Variants in ANKRD11 observed in about 807,000 individuals in gnomAD.
ANKRD11 encodes the protein ankyrin repeat domain-containing protein 11.
ANKRD11 carries 17 observed loss-of-function variants against 195.7 expected under a neutral mutation model. That is an observed-to-expected ratio of 0.09 (90% CI 0.06 to 0.13). The LOEUF is 0.13. ANKRD11 is among the 10% of genes least tolerant of loss of function. The probability of loss-of-function intolerance (pLI) is 1.00; values close to 1 mark genes in which losing one functional copy is unlikely to be tolerated. For missense variants in ANKRD11, 3,735 were observed against 3,566.1 expected (o/e 1.05, Z -1.21); for synonymous variants, 1,953 against 1,528.1 (o/e 1.28, Z -6.49).
chr16:89,442,374 T>A (rs960508830), intron 1 of ANKRD11, among the ~76,000 whole-genome samples: 1 of 152,194 alleles, frequency 6.6e-6, no homozygotes, highest in African/African-American at 2.4e-5. Context: ...AGAAAATGCT[T>A]TTGAATCTGT....
rs934242640 is a variant in ANKRD11 at position 89,403,054 on chromosome 16, C to T, written c.-60+15230G>A. On this transcript the variant is annotated intron_variant, in intron 2 of 12. Transcript: ENST00000301030. Reference sequence around the variant, plus strand: ...ACATGGGCACTGCCTCGCTCAACTGCGTGGTGGCGGGTGGCCTGGAACGCT... The same window carrying T: ...ACATGGGCACTGCCTCGCTCAACTGTGTGGTGGCGGGTGGCCTGGAACGCT... Among the ~76,000 whole-genome samples the T allele has an allele frequency of 3.3e-5, 5 of 152,188 alleles. No individual in the cohort carries two copies. The East Asian group carries it at 5.8e-4, about 18-fold the overall frequency.
At chr16:89,377,960 G>A (rs973617314) in intron 2 of ANKRD11, among the ~76,000 whole-genome samples, 1 of 151,804 alleles carries the variant, frequency 6.6e-6, no homozygotes, top group African/African-American at 2.4e-5. Context: ...CACTTAATGA[G>A]AAGTAAACAT....
rs935724518 is a variant in ANKRD11 at position 89,453,850 on chromosome 16, C to G, written c.-144-35482G>C. ...TGAATTCGAGGCAGGACTCTGGAGC[C>G]AGCCTGCCCAGGGTCCAGTGCTGGC... On this transcript the variant is annotated intron_variant, in intron 1 of 12. Coordinates refer to ENST00000301030, the MANE Select transcript of ANKRD11 (RefSeq NM_013275.6). Among the ~76,000 whole-genome samples, 47 of 152,236 alleles carry G rather than the reference C, an allele frequency of 3.1e-4. 1 individual carries two copies. The highest frequency in any genetic ancestry group is 2.8e-3 in the Admixed American group (43 of 15,288).
intron 2 of ANKRD11, among the ~76,000 whole-genome samples, chr16:89,389,822 T>C (rs1326993788): frequency 2.6e-5 from 3 of 117,348 alleles, no homozygotes; most frequent in East Asian, 4.8e-4. Context: ...AGAAGATCAC[T>C]AGGGCAAACA....
chr16:89,305,712 C>T (rs1404380030), intron 3 of ANKRD11, among the ~76,000 whole-genome samples: 2 of 128,294 alleles, frequency 1.6e-5, no homozygotes, highest in Admixed American at 7.4e-5. Flanking sequence ...CGCAGACACG[C>T]GCCACCTCCC....
intron 2 of ANKRD11, among the ~76,000 whole-genome samples, chr16:89,408,367 C>A (rs1429635128): frequency 6.6e-6 from 1 of 152,222 alleles, no homozygotes; most frequent in Non-Finnish European, 1.5e-5. Flanking sequence ...AGGTTTGATG[C>A]ACAGAAAGGC....
At chr16:89,425,729 T>C (rs905461512) in intron 1 of ANKRD11, among the ~76,000 whole-genome samples, 9 of 152,298 alleles carry the variant, frequency 5.9e-5, no homozygotes, top group African/African-American at 2.2e-4. Flanking sequence ...GGTGGGGTGC[T>C]ATTCATTTCG....
chr16:89,274,979 G>C (rs1191308196), intron 10 of ANKRD11, 22 bp from the exon 11 acceptor site: 1 of 1,612,780 alleles, frequency 6.2e-7, no homozygotes, highest in Non-Finnish European at 8.5e-7. Context: ...GAGGAGTAGA[G>C]TGAGCTGGGA....
intron 1 of ANKRD11, among the ~76,000 whole-genome samples, chr16:89,441,542 C>A (rs186181528): frequency 6.6e-6 from 1 of 151,902 alleles, no homozygotes; most frequent in Non-Finnish European, 1.5e-5. Context: ...CCAAGGCGGG[C>A]GGATCACGAG....
intron 2 of ANKRD11, among the ~76,000 whole-genome samples, chr16:89,387,476 T>C (rs1236676283): frequency 1.3e-5 from 2 of 149,956 alleles, no homozygotes; most frequent in African/African-American, 4.9e-5. Context: ...ACCGAGACCA[T>C]CCCGGCTAAC....
chr16:89,444,506 C>A (rs536692944), intron 1 of ANKRD11, among the ~76,000 whole-genome samples: 1 of 152,202 alleles, frequency 6.6e-6, no homozygotes, highest in Non-Finnish European at 1.5e-5. Flanking sequence ...TTGCCATCAG[C>A]GTTACCCTGG....
rs150128565 is a variant in ANKRD11, at chr16:89,270,929, G to A, written c.7714-20C>T. On this transcript the variant is annotated intron_variant, in intron 11 of 12. Transcript: ENST00000301030. Reference sequence around the variant, plus strand: ...GTCACCCTGTGGAAACCAAACACGGGAGTTTCATCAGGAGCCCCAGAGACC... The same window carrying A: ...GTCACCCTGTGGAAACCAAACACGGAAGTTTCATCAGGAGCCCCAGAGACC... 3.1e-6 allele frequency: 5 copies of A among 1,613,296 alleles called. No individual in the cohort carries two copies. In the East Asian group the frequency reaches 1.1e-4, roughly 36 times the overall value.
At chr16:89,370,708 C>G (rs946282627) in intron 2 of ANKRD11, 2 of 152,378 alleles carry the variant, frequency 1.3e-5, no homozygotes, top group African/African-American at 4.8e-5. Context: ...GACCCGAGAG[C>G]AGAAGGGAGC....
chr16:89,417,472 G>A (rs913411610), intron 2 of ANKRD11, among the ~76,000 whole-genome samples: 2 of 152,184 alleles, frequency 1.3e-5, no homozygotes, highest in Admixed American at 1.3e-4. Flanking sequence ...AGCGACACGT[G>A]CTTGCTCAGA....
At chr16:89,469,292 G>A (rs1256313936) in intron 1 of ANKRD11, among the ~76,000 whole-genome samples, 2 of 152,086 alleles carry the variant, frequency 1.3e-5, no homozygotes, top group Admixed American at 6.5e-5. Context: ...CGCAATCTTG[G>A]CTCACTGCAA....
intron 1 of ANKRD11, among the ~76,000 whole-genome samples, chr16:89,435,847 G>C (rs1479915734): frequency 3.4e-5 from 5 of 146,116 alleles, no homozygotes; most frequent in Middle Eastern, 3.6e-3. Context: ...CTTTCGGTCT[G>C]TTCGCTCAAG....
chr16:89,384,874 G>GTTTT lies in ANKRD11; in HGVS notation c.-60+33406_-60+33409dup, dbSNP rs1257714722. Among the ~76,000 whole-genome samples the GTTTT allele has an allele frequency of 1.6e-3, 117 of 72,744 alleles. 5 individuals are homozygous for GTTTT. Among genetic ancestry groups the GTTTT allele is most frequent in the African/African-American group, 6.2e-3 (110 of 17,766 alleles). 47.7% of individuals were successfully genotyped at this position (72,744 alleles called of 152,430 possible). A position where few individuals can be genotyped will look rare whatever the true frequency, so the allele number is the denominator to read the frequency against. On this transcript the variant is annotated intron_variant, in intron 2 of 12. Transcript: ENST00000301030. Reference sequence around the variant, plus strand: ...GTGTGGGAGCACACAATGAGAAATAGTTTTCTTTTTTTTTTTTTTTTTTTT... The same window carrying GTTTT: ...GTGTGGGAGCACACAATGAGAAATAGTTTTTTTTCTTTTTTTTTTTTTTTTTTTT...
Position 89,279,819 on chromosome 16 carries a change from G to T in ANKRD11, c.6723C>A (p.Pro2241=). The change falls in exon 9 of 13, where the codon CCC becomes CCA. Residue 2241 remains proline (P), a synonymous_variant. Transcript: ENST00000301030. This position sits in a 1 kb window ranked among gnomAD's most constrained non-coding sequence, Gnocchi z 5.6. ...ARGDPDSSVE[P]APVPPEQRPL... is the part of the protein sequence containing the mutation. Reference sequence around the variant, plus strand: ...GGCGCTGTTCTGGGGGAACGGGCGCGGGCTCCACGCTGGAGTCCGGATCCC... The same window carrying T: ...GGCGCTGTTCTGGGGGAACGGGCGCTGGCTCCACGCTGGAGTCCGGATCCC... 1 of 1,543,998 alleles carries T rather than the reference G, an allele frequency of 6.5e-7. No individual in the cohort carries two copies.
intron 2 of ANKRD11, among the ~76,000 whole-genome samples, chr16:89,344,369 G>A (rs2038839784): frequency 6.6e-6 from 1 of 152,178 alleles, no homozygotes; most frequent in Non-Finnish European, 1.5e-5. Context: ...TCCTTGCTAT[G>A]AATGCCTGGC....
Sources: allele counts gnomAD v4.1 joint callset (sites outside exome capture counted in the v4.1 genomes callset), GRCh38; gene constraint gnomAD v4.1.1; non-coding constraint Gnocchi (gnomAD v3.1); transcripts MANE v1.5; gene names NCBI Gene and HGNC (gene_info 2026-07-23, HGNC 2026-07-21).